Variants in FAM151A observed in about 807,000 individuals in gnomAD.
The protein encoded by FAM151A is protein FAM151A.
Under a neutral mutation model 40.4 loss-of-function variants are expected in FAM151A, and 41 were observed. The observed-to-expected ratio is 1.01, with a 90% CI of 0.79 to 1.32. The LOEUF (loss-of-function observed/expected upper bound fraction) is 1.32, where lower values mean the gene tolerates loss of function less well. Among genes scored for constraint, FAM151A ranks in the 40% most tolerant of loss-of-function variants. The probability of loss-of-function intolerance (pLI) is 0.00; values close to 1 mark genes in which losing one functional copy is unlikely to be tolerated. For synonymous variants in FAM151A, 337 were observed against 312.5 expected, an observed-to-expected ratio of 1.08 and a Z score of -0.83; for missense variants, 740 against 740.4, an observed-to-expected ratio of 1.00 and a Z score of 0.01.
At chr1:54,620,845 CAAAAAAAAAAAAAAA>C (rs767625864) in intron 1 of FAM151A, among the ~76,000 whole-genome samples, 24 of 12,136 alleles carry the variant, frequency 2.0e-3, no homozygotes, top group East Asian at 5.4e-3. Context: ...GAGACTCTGT[CAAAAAAAAAAAAAAA>C]AAAAAAAAAA....
intron 2 of FAM151A, 37 bp from the exon 3 acceptor site, chr1:54,616,209 T>A: frequency 1.3e-6 from 2 of 1,559,132 alleles, no homozygotes; most frequent in Non-Finnish European, 1.7e-6. Flanking sequence ...GTTCCTTTTT[T>A]TAAAAAAAGA....
intron 6 of FAM151A, 87 bp from the exon 7 acceptor site, chr1:54,610,642 T>C: frequency 6.5e-7 from 1 of 1,539,044 alleles, no homozygotes; most frequent in Non-Finnish European, 8.8e-7. Flanking sequence ...GCCACAGCTC[T>C]ACGGGCATCC....
intron 7 of FAM151A, 96 bp downstream of exon 7, chr1:54,610,316 T>A: frequency 1.3e-6 from 2 of 1,547,440 alleles, no homozygotes; most frequent in South Asian, 2.5e-5. Flanking sequence ...AATAAACCTG[T>A]GTTGCCATGG....
intron 4 of FAM151A, among the ~76,000 whole-genome samples, chr1:54,613,334 G>A (rs1017605985): frequency 2.6e-5 from 4 of 151,884 alleles, no homozygotes; most frequent in Non-Finnish European, 4.4e-5. Flanking sequence ...AGCTGAGATC[G>A]TGCCATTGCA....
intron 6 of FAM151A, among the ~76,000 whole-genome samples, chr1:54,611,217 T>G (rs1644114607): frequency 6.6e-6 from 1 of 152,022 alleles, no homozygotes; most frequent in Non-Finnish European, 1.5e-5. Context: ...GCGGATCACT[T>G]GAGGGCAGAA....
At chr1:54,614,930 A>C in intron 3 of FAM151A, 71 bp from the exon 4 acceptor site, 1 of 1,359,662 alleles carries the variant, frequency 7.4e-7, no homozygotes, top group Non-Finnish European at 1.0e-6. Context: ...CTGGGCAGAA[A>C]GCAGAGCGGG....
chr1:54,612,762 T>C, intron 4 of FAM151A, 52 bp from the exon 5 acceptor site: 1 of 1,405,764 alleles, frequency 7.1e-7, no homozygotes, highest in Non-Finnish European at 1.0e-6. Flanking sequence ...GGCCCCTTCC[T>C]CTCCTCTGGG....
intron 6 of FAM151A, 98 bp from the exon 7 acceptor site, chr1:54,610,653 TCTCTAAGC>T (rs1644108380): frequency 2.0e-6 from 3 of 1,502,312 alleles, no homozygotes; most frequent in Middle Eastern, 2.4e-4. Flanking sequence ...ACGGGCATCC[TCTCTAAGC>T]CTCATAGCAC....
At chr1:54,617,709 A>ATTTTGTTTTT (rs1644187603) in intron 2 of FAM151A, among the ~76,000 whole-genome samples, 1 of 55,740 alleles carries the variant, frequency 1.8e-5, no homozygotes, top group African/African-American at 7.3e-5. Flanking sequence ...AGGGCCTGAG[A>ATTTTGTTTTT]TTTTTTTTTT....
intron 7 of FAM151A, 57 bp downstream of exon 7, chr1:54,610,351 CCAAG>C (rs1464230933): frequency 6.3e-7 from 1 of 1,583,634 alleles, no homozygotes; most frequent in East Asian, 2.2e-5. Context: ...GGTACCTGCC[CCAAG>C]CAAAGGACAC....
chr1:54,610,268 C>G (rs373528506), intron 7 of FAM151A, 144 bp downstream of exon 7: 11 of 1,488,154 alleles, frequency 7.4e-6, no homozygotes, highest in African/African-American at 1.4e-5. Flanking sequence ...TCTCCCTCCC[C>G]GCAACCCTGC....
At chr1:54,610,161 T>G (rs1644100604) in intron 7 of FAM151A, 1 of 1,432,734 alleles carries the variant, frequency 7.0e-7, no homozygotes. Context: ...TACCCATGAC[T>G]CAGCCTGGGG....
intron 4 of FAM151A, 139 bp from the exon 5 acceptor site, chr1:54,612,849 A>G (rs1475547983): frequency 3.1e-6 from 2 of 654,584 alleles, no homozygotes; most frequent in Non-Finnish European, 5.2e-6. Context: ...CAAAGGACAG[A>G]ATGGCTTGTT....
intron 2 of FAM151A, among the ~76,000 whole-genome samples, chr1:54,617,410 A>G (rs1421338261): frequency 2.0e-5 from 3 of 150,820 alleles, no homozygotes; most frequent in African/African-American, 7.3e-5. Flanking sequence ...TTCTCTATAG[A>G]GCCGGCAAAG....
intron 3 of FAM151A, 67 bp from the exon 4 acceptor site, chr1:54,614,926 A>G: frequency 1.3e-6 from 2 of 1,508,078 alleles, no homozygotes; most frequent in Non-Finnish European, 9.0e-7. Context: ...CTCCCTGGGC[A>G]GAAAGCAGAG....
At chr1:54,616,660 A>C (rs185220062) in intron 2 of FAM151A, among the ~76,000 whole-genome samples, 29 of 152,282 alleles carry the variant, frequency 1.9e-4, no homozygotes, top group Non-Finnish European at 3.5e-4. Context: ...GGCGTGAGCC[A>C]CCGTGCCCGG....
chr1:54,614,991 G>A (rs1644157830), intron 3 of FAM151A, 132 bp from the exon 4 acceptor site: 2 of 863,028 alleles, frequency 2.3e-6, no homozygotes, highest in Admixed American at 5.3e-5. Flanking sequence ...GAGGGCGGAA[G>A]GACCAGCACC....
intron 4 of FAM151A, among the ~76,000 whole-genome samples, 170 bp downstream of exon 4, chr1:54,614,530 G>A (rs528812263): frequency 6.6e-6 from 1 of 152,096 alleles, no homozygotes; most frequent in Admixed American, 6.5e-5. Context: ...TGTCAGAAAA[G>A]GGGGGAAAGG....
chr1:54,620,145 C>T, intron 1 of FAM151A, 138 bp from the exon 2 acceptor site: 1 of 893,534 alleles, frequency 1.1e-6, no homozygotes, highest in South Asian at 1.8e-5. Context: ...GGCTCAGACT[C>T]ACTGGTGCTA....
Sources: allele counts gnomAD v4.1 joint callset (sites outside exome capture counted in the v4.1 genomes callset), GRCh38; gene constraint gnomAD v4.1.1; transcripts MANE v1.5; gene names NCBI Gene and HGNC (gene_info 2026-07-23, HGNC 2026-07-21).